The following CIB4 variants were observed in gnomAD, a reference collection of about 807,000 sequenced individuals.
CIB4 encodes the protein calcium and integrin binding family member 4.
CIB4 carries 25 observed loss-of-function variants against 25.8 expected under a neutral mutation model. The ratio of observed to expected loss-of-function variants is 0.97; its 90% CI spans 0.71 to 1.35. The LOEUF is 1.35. Among genes scored for constraint, CIB4 ranks in the 40% most tolerant of loss-of-function variants. CIB4 has a pLI of 0.00. For synonymous variants in CIB4, 75 were observed against 81.4 expected, an observed-to-expected ratio of 0.92 and a Z score of 0.42; for missense variants, 235 against 228.2, an observed-to-expected ratio of 1.03 and a Z score of -0.19.
At chr2:26,637,630 C>T (rs1387126363) in intron 2 of CIB4, among the ~76,000 whole-genome samples, 1 of 152,138 alleles carries the variant, frequency 6.6e-6, no homozygotes, top group Non-Finnish European at 1.5e-5. Flanking sequence ...AGGGATGAAT[C>T]AGCACTTACT....
intron 6 of CIB4, among the ~76,000 whole-genome samples, chr2:26,582,000 G>A (rs999927128): frequency 2.6e-5 from 4 of 152,354 alleles, no homozygotes; most frequent in South Asian, 2.1e-4. Flanking sequence ...CTGACAAAGC[G>A]GAGACAGCTG....
chr2:26,630,890 T>A (rs987539084), intron 2 of CIB4, among the ~76,000 whole-genome samples: 3 of 152,144 alleles, frequency 2.0e-5, no homozygotes, highest in African/African-American at 7.2e-5. Flanking sequence ...GCTCCTGGGC[T>A]GTGCACAACC....
chr2:26,582,452 A>G (rs1339512876), intron 6 of CIB4, among the ~76,000 whole-genome samples: 1 of 152,138 alleles, frequency 6.6e-6, no homozygotes, highest in Non-Finnish European at 1.5e-5. Context: ...CACCACCAGC[A>G]TCTTCAGATC....
chr2:26,629,646 G>A lies in CIB4; in HGVS notation c.90-140C>T, dbSNP rs80121526. 5,304 of 646,154 alleles carry A rather than the reference G, an allele frequency of 8.2e-3. 193 individuals are homozygous for A. The African/African-American group carries it at 0.084, about 10-fold the overall frequency. The allele number at this position is 646,154 out of a possible 1,614,324, so 40.0% of individuals were successfully genotyped here. On this transcript the variant is annotated intron_variant, in intron 2 of 6. Coordinates refer to ENST00000288861, the MANE Select transcript of CIB4 (RefSeq NM_001029881.3). ...TGAGGAAGGAGACTTGGGGTTGGCT[G>A]ACACAGAAAAGGCAGTAATCAATAA...
intron 2 of CIB4, among the ~76,000 whole-genome samples, chr2:26,640,060 G>C (rs2148230738): frequency 7.5e-6 from 1 of 133,914 alleles, no homozygotes; most frequent in African/African-American, 2.7e-5. Context: ...CACCCTCAGG[G>C]CCTCCACGAG....
At chr2:26,636,225 T>C (rs1032827641) in intron 2 of CIB4, among the ~76,000 whole-genome samples, 1 of 152,150 alleles carries the variant, frequency 6.6e-6, no homozygotes, top group Non-Finnish European at 1.5e-5. Context: ...TCAGTGTTTA[T>C]AATAATATTA....
chr2:26,617,005 T>C (rs866073470), intron 3 of CIB4, among the ~76,000 whole-genome samples: 69 of 152,236 alleles, frequency 4.5e-4, no homozygotes, highest in Middle Eastern at 3.4e-3. Context: ...GTCAGGAGTC[T>C]TAGAGCACAC....
chr2:26,595,289 C>G lies in CIB4; in HGVS notation c.215G>C (p.Arg72Thr). 1 of 1,614,072 alleles carries G rather than the reference C, an allele frequency of 6.2e-7. No homozygotes were observed. The highest frequency in any genetic ancestry group is 1.7e-5 in the Admixed American group (1 of 60,018). ...RVNPFRDRIC[R>T]VFSHKGMFSF... ...GAACATGCCTTTGTGGGAGAACACT[C>G]TGCAGATACGGTCTCTGAAAGGGTT... The change falls in exon 4 of 7, where the codon AGA (arginine) becomes ACA (threonine). Residue 72 changes from arginine (R) to threonine (T), a missense_variant. By Grantham distance (71) the Arg-to-Thr change is moderately conservative. Transcript: ENST00000288861.
At chr2:26,590,623 C>A (rs972970984) in intron 4 of CIB4, among the ~76,000 whole-genome samples, 51 of 152,270 alleles carry the variant, frequency 3.3e-4, no homozygotes, top group African/African-American at 9.9e-4. Context: ...ACCACTCCCC[C>A]CTCGACTTAC....
intron 4 of CIB4, among the ~76,000 whole-genome samples, chr2:26,593,395 T>C (rs567919860): frequency 1.6e-4 from 24 of 146,460 alleles, no homozygotes; most frequent in African/African-American, 6.6e-4. Flanking sequence ...CACACACACA[T>C]ATATACACAC....
chr2:26,638,411 G>A (rs565422994), intron 2 of CIB4, among the ~76,000 whole-genome samples: 1 of 152,244 alleles, frequency 6.6e-6, no homozygotes, highest in African/African-American at 2.4e-5. Flanking sequence ...GAAGGCCAAG[G>A]CAGAACAAAT....
chr2:26,618,149 T>C (rs568891609), intron 3 of CIB4, among the ~76,000 whole-genome samples: 185 of 152,210 alleles, frequency 1.2e-3, no homozygotes, highest in African/African-American at 4.3e-3. Context: ...CCTGCCTCCC[T>C]CCACCCCGAC....
At chr2:26,624,481 T>C (rs542450061) in intron 3 of CIB4, among the ~76,000 whole-genome samples, 1 of 152,260 alleles carries the variant, frequency 6.6e-6, no homozygotes, top group South Asian at 2.1e-4. Context: ...AGTGACAAAG[T>C]TCTTGACAAC....
chr2:26,598,560 C>G (rs1387145717), intron 3 of CIB4, among the ~76,000 whole-genome samples: 1 of 152,134 alleles, frequency 6.6e-6, no homozygotes, highest in African/African-American at 2.4e-5. Flanking sequence ...GAGAGGATGG[C>G]AGGGCAGATG....
Position 26,583,720 on chromosome 2 carries a change from G to A in CIB4, c.438+69C>T. ...TCCCAAGAGGGTGGCCTGACATCCGGGGGCTTTGGGTGACAACCTGGCCCC... is the reference window on the plus strand; with the variant it reads ...TCCCAAGAGGGTGGCCTGACATCCGAGGGCTTTGGGTGACAACCTGGCCCC... On this transcript the variant is annotated intron_variant, in intron 5 of 6. Transcript: ENST00000288861. 3 of 1,031,692 alleles carry A rather than the reference G, an allele frequency of 2.9e-6. No individual in the cohort carries two copies. The South Asian group carries it at 3.9e-5, about 13-fold the overall frequency. The allele number at this position is 1,031,692 out of a possible 1,614,324, so 63.9% of individuals were successfully genotyped here.
chr2:26,605,880 T>C (rs1668879818), intron 3 of CIB4, among the ~76,000 whole-genome samples: 1 of 152,146 alleles, frequency 6.6e-6, no homozygotes, highest in South Asian at 2.1e-4. Flanking sequence ...CCAACTACAG[T>C]GCTACTTTTG....
chr2:26,613,859 C>T (rs1669042802), intron 3 of CIB4, among the ~76,000 whole-genome samples: 1 of 152,240 alleles, frequency 6.6e-6, no homozygotes, highest in African/African-American at 2.4e-5. Context: ...GCCTGTCCTG[C>T]CTCTCTGCAC....
At chr2:26,641,052 T>G (rs1669626182) in intron 1 of CIB4, among the ~76,000 whole-genome samples, 1 of 152,210 alleles carries the variant, frequency 6.6e-6, no homozygotes, top group South Asian at 2.1e-4. Flanking sequence ...TATCAGATTT[T>G]TTCGTGATTT....
At chr2:26,596,251 G>C (rs1366556773) in intron 3 of CIB4, among the ~76,000 whole-genome samples, 1 of 152,156 alleles carries the variant, frequency 6.6e-6, no homozygotes, top group Non-Finnish European at 1.5e-5. Context: ...CTGGGGAAAA[G>C]TGAAGGTACT....
Sources: allele counts gnomAD v4.1 joint callset (sites outside exome capture counted in the v4.1 genomes callset), GRCh38; gene constraint gnomAD v4.1.1; transcripts MANE v1.5; gene names NCBI Gene and HGNC (gene_info 2026-07-23, HGNC 2026-07-21).